Variants in PGAM5 observed in about 807,000 individuals in gnomAD.
The protein encoded by PGAM5 is serine/threonine-protein phosphatase PGAM5, mitochondrial.
Under a neutral mutation model 30.6 loss-of-function variants are expected in PGAM5, and 25 were observed. That is an observed-to-expected ratio of 0.82 (90% CI 0.60 to 1.14). The LOEUF (loss-of-function observed/expected upper bound fraction) is 1.14, where lower values mean the gene tolerates loss of function less well. Ranked by LOEUF, PGAM5 falls within the 50% of genes most tolerant of loss-of-function variation. The pLI, the probability that PGAM5 is intolerant of heterozygous loss-of-function variation, is 0.00. For missense variants in PGAM5, 384 were observed against 408.5 expected, an observed-to-expected ratio of 0.94 and a Z score of 0.52; for synonymous variants, 201 against 179.1, an observed-to-expected ratio of 1.12 and a Z score of -0.98.
chr12:132,715,980 T>A (rs1234107635), intron 2 of PGAM5, among the ~76,000 whole-genome samples: 1 of 152,240 alleles, frequency 6.6e-6, no homozygotes, highest in Non-Finnish European at 1.5e-5. Context: ...ACCTGCTTGA[T>A]GCCTTGGAAA....
chr12:132,719,297 G>A, intron 5 of PGAM5: 1 of 1,010,010 alleles, frequency 9.9e-7, no homozygotes, highest in Middle Eastern at 5.0e-4. Context: ...TGTGAGGCTG[G>A]GCCCTGGTCT....
At chr12:132,717,670 G>A (rs369533156) in intron 3 of PGAM5, 40 bp from the exon 4 acceptor site, 34 of 1,566,108 alleles carry the variant, frequency 2.2e-5, no homozygotes, top group Middle Eastern at 3.4e-4. Flanking sequence ...CTCCGCCGGC[G>A]GGGCCGCCTC....
At chr12:132,712,038 T>C (rs1282126989) in intron 1 of PGAM5, among the ~76,000 whole-genome samples, 1 of 152,218 alleles carries the variant, frequency 6.6e-6, no homozygotes, top group Non-Finnish European at 1.5e-5. Context: ...CACAGAATTA[T>C]ACTACTGTGG....
intron 1 of PGAM5, chr12:132,711,409 C>G (rs553693528): frequency 1.1e-3 from 200 of 181,416 alleles, no homozygotes; most frequent in African/African-American, 4.4e-3. Context: ...GGAGCGCGCC[C>G]GCGAGCTGCG....
chr12:132,711,741 G>A (rs1202753232), intron 1 of PGAM5: 1 of 150,746 alleles, frequency 6.6e-6, no homozygotes, highest in African/African-American at 2.5e-5. Context: ...TGTGAGCCGA[G>A]ATCCCGCCAC....
At chr12:132,719,863 G>C (rs2043625430) in intron 5 of PGAM5, among the ~76,000 whole-genome samples, 1 of 152,250 alleles carries the variant, frequency 6.6e-6, no homozygotes, top group African/African-American at 2.4e-5. Context: ...TGCGAATTGT[G>C]CCTAAGAAGT....
At chr12:132,711,229 C>A in intron 1 of PGAM5, 162 bp downstream of exon 1, 3 of 508,754 alleles carry the variant, frequency 5.9e-6, no homozygotes, top group Non-Finnish European at 8.5e-6. Flanking sequence ...GGCCGCTCTG[C>A]GCGGAGGGTT....
rs193223171 is a variant in PGAM5, at chr12:132,716,653, C to T, written c.371-786C>T. ...GTCCTTCCACCTTGTCCTTGTGTCC[C>T]TGTGCAGGTGGATCTGTAGAAGAAA... is the stretch of plus-strand genomic sequence containing the variant. On this transcript the variant is annotated intron_variant, in intron 2 of 5. Coordinates refer to ENST00000498926, the MANE Select transcript of PGAM5 (RefSeq NM_001170543.2). Among the ~76,000 whole-genome samples the T allele has an allele frequency of 2.7e-3, 410 of 152,316 alleles. 4 individuals are homozygous for T. The highest frequency in any genetic ancestry group is 8.8e-3 in the African/African-American group (367 of 41,574).
intron 2 of PGAM5, among the ~76,000 whole-genome samples, chr12:132,716,618 G>A (rs4883608): frequency 0.36 from 54,501 of 152,080 alleles, 11,659 homozygotes; most frequent in Non-Finnish European, 0.48. Context: ...CATAGACAGC[G>A]TCCAGGAGGG....
chr12:132,717,852 C>G, intron 4 of PGAM5, 54 bp downstream of exon 4: 1 of 1,584,952 alleles, frequency 6.3e-7, no homozygotes, highest in Non-Finnish European at 8.6e-7. Flanking sequence ...CTGGGCAAAG[C>G]GGCCCTGCTG....
At chr12:132,714,742 T>C in intron 1 of PGAM5, 116 bp from the exon 2 acceptor site, 1 of 1,218,946 alleles carries the variant, frequency 8.2e-7, no homozygotes, top group Non-Finnish European at 1.2e-6. Flanking sequence ...CCAAGGGCCT[T>C]GTCTTCTCTC....
rs754339790 is a variant in PGAM5 at position 132,715,067 on chromosome 12, C to T, written c.370+31C>T. Reference sequence around the variant, plus strand: ...TGGTGGGTTCAGATCCTCTGTGGACCCTCGTGGTTATGTGGCCAGGTGCAT... The same window carrying T: ...TGGTGGGTTCAGATCCTCTGTGGACTCTCGTGGTTATGTGGCCAGGTGCAT... On this transcript the variant is annotated intron_variant, in intron 2 of 5. Transcript: ENST00000498926. 8.3e-6 allele frequency: 13 copies of T among 1,557,420 alleles called. No homozygotes were observed. The Admixed American group carries it at 2.5e-4, about 30-fold the overall frequency.
Position 132,711,024 on chromosome 12 carries a change from G to A in PGAM5, c.148G>A (p.Gly50Ser). The A allele has an allele frequency of 1.6e-6, 2 of 1,215,988 alleles. No homozygotes were observed. Among genetic ancestry groups the A allele is most frequent in the East Asian group, 3.3e-5 (1 of 30,464 alleles). 75.3% of individuals were successfully genotyped at this position (1,215,988 alleles called of 1,614,324 possible). Residue 50 changes from glycine (G) to serine (S), a missense_variant, in exon 1 of 6, where the codon GGC becomes AGC. Gly to Ser is a moderately conservative substitution (Grantham distance 56). Transcript: ENST00000498926. ...RPAEPPAWAG[G>S]ARPGPGVWDP... Reference sequence around the variant, plus strand: ...GGCTGAGCCGCCGGCCTGGGCGGGGGGCGCGCGGCCGGGCCCCGGTGTCTG... The same window carrying A: ...GGCTGAGCCGCCGGCCTGGGCGGGGAGCGCGCGGCCGGGCCCCGGTGTCTG...
At position 132,717,996 on chromosome 12, in the gene PGAM5, G is replaced by A. The variant is rs371334448; in HGVS notation, c.595G>A (p.Glu199Lys). Reference protein sequence around the residue: ...HWKPEAVQYYEDGARIEAAFR... With the variant: ...HWKPEAVQYYKDGARIEAAFR... ...CTCACTCTGCCCCCAGCAGTATTAC[G>A]AAGACGGAGCCCGGATCGAGGCCGC... Residue 199 changes from glutamate to lysine, a missense_variant, in exon 5 of 6, where the codon GAA becomes AAA. By Grantham distance (56) the Glu-to-Lys change is moderately conservative (BLOSUM62 1). Coordinates refer to ENST00000498926, the MANE Select transcript of PGAM5 (RefSeq NM_001170543.2). The A allele has an allele frequency of 1.6e-5, 26 of 1,612,584 alleles. No homozygotes were observed. The African/African-American group carries it at 1.7e-4, about 11-fold the overall frequency.
Position 132,717,743 on chromosome 12 carries a change from A to G in PGAM5, c.530A>G (p.Glu177Gly), listed in dbSNP as rs766537841. Residue 177 changes from glutamate (E) to glycine (G), a missense_variant, in exon 4 of 6, where the codon GAA becomes GGA. Glu to Gly is a moderately conservative substitution (Grantham distance 98). Coordinates refer to ENST00000498926, the MANE Select transcript of PGAM5 (RefSeq NM_001170543.2). Reference sequence around the variant, plus strand: ...AAAGTCAGCACAGATCTGCTGCGGGAAGGCGCCCCCATCGAGCCAGACCCG... The same window carrying G: ...AAAGTCAGCACAGATCTGCTGCGGGGAGGCGCCCCCATCGAGCCAGACCCG... ...VCKVSTDLLR[E>G]GAPIEPDPPV... The G allele has an allele frequency of 1.9e-6, 3 of 1,584,396 alleles. No individual in the cohort carries two copies. In the East Asian group the frequency reaches 6.9e-5, roughly 37 times the overall value.
chr12:132,713,496 C>T (rs73485197), intron 1 of PGAM5, among the ~76,000 whole-genome samples: 8,161 of 152,240 alleles, frequency 0.054, 314 homozygotes, highest in Admixed American at 0.13. Context: ...CTGACTCCCC[C>T]ATACCTGCCA....
chr12:132,713,843 T>C (rs865863839), intron 1 of PGAM5, among the ~76,000 whole-genome samples: 2 of 151,934 alleles, frequency 1.3e-5, no homozygotes, highest in Non-Finnish European at 2.9e-5. Context: ...AATTTTTTAA[T>C]GTTTTTGTAG....
chr12:132,711,114 C>T (rs1294553742), intron 1 of PGAM5, 47 bp downstream of exon 1: 3 of 1,176,254 alleles, frequency 2.6e-6, no homozygotes, highest in Non-Finnish European at 3.2e-6. Context: ...GGGGTCAGGG[C>T]AGGTGTTACC....
At position 132,721,032 on chromosome 12, in the gene PGAM5, T is replaced by G. The variant is rs920142344; in HGVS notation, c.*204T>G. On this transcript the variant is annotated 3_prime_UTR_variant, in exon 6 of 6. Coordinates refer to ENST00000498926, the MANE Select transcript of PGAM5 (RefSeq NM_001170543.2). ...TATACCTGACCATGAACCCCCAGGA[T>G]GGCGTGGGGTTTAAGGTGAAAGCGT... 8.4e-6 allele frequency: 5 copies of G among 598,272 alleles called. No homozygotes were observed. The highest frequency in any genetic ancestry group is 3.3e-5 in the Admixed American group (1 of 30,242). The allele number at this position is 598,272 out of a possible 1,614,324, so 37.1% of individuals were successfully genotyped here. A position where few individuals can be genotyped will look rare whatever the true frequency, so the allele number is the denominator to read the frequency against.
Sources: gnomAD v4.1 joint callset for allele counts (sites outside exome capture counted in the v4.1 genomes callset) on GRCh38, gnomAD v4.1.1 for gene constraint, MANE v1.5 for transcripts, NCBI Gene and HGNC (gene_info 2026-07-23, HGNC 2026-07-21) for gene names.